The following SLC44A5 variants were observed in gnomAD, a reference collection of about 807,000 sequenced individuals.
SLC44A5 encodes the protein solute carrier family 44 member 5.
A neutral mutation model predicts 101.8 loss-of-function variants in SLC44A5; 57 were observed. The ratio of observed to expected loss-of-function variants is 0.56; its 90% CI spans 0.45 to 0.70. SLC44A5 has a LOEUF of 0.70. Among genes scored for constraint, SLC44A5 ranks in the 30% least tolerant of loss-of-function variants. SLC44A5 has a pLI of 0.00. For missense variants in SLC44A5, 737 were observed against 853.1 expected, an observed-to-expected ratio of 0.86 and a Z score of 1.70; for synonymous variants, 281 against 290.9, an observed-to-expected ratio of 0.97 and a Z score of 0.35.
chr1:75,577,949 T>C (rs1255739334), intron 1 of SLC44A5, among the ~76,000 whole-genome samples: 3 of 152,180 alleles, frequency 2.0e-5, no homozygotes, highest in Non-Finnish European at 4.4e-5. Context: ...TATACTGTGA[T>C]TATAAATTAC....
At chr1:75,270,596 T>C (rs1651387040) in intron 6 of SLC44A5, among the ~76,000 whole-genome samples, 1 of 152,084 alleles carries the variant, frequency 6.6e-6, no homozygotes. Context: ...AGAATGTTAT[T>C]TTCAGGGCGA....
intron 7 of SLC44A5, among the ~76,000 whole-genome samples, chr1:75,245,988 G>A (rs748302922): frequency 4.6e-5 from 7 of 152,080 alleles, no homozygotes; most frequent in Non-Finnish European, 7.4e-5. Flanking sequence ...ATCGTGCATA[G>A]AAATATGGCT....
At chr1:75,559,780 G>T (rs114933171) in intron 1 of SLC44A5, among the ~76,000 whole-genome samples, 1 of 152,062 alleles carries the variant, frequency 6.6e-6, no homozygotes, top group South Asian at 2.1e-4. Context: ...ATACTTGCAA[G>T]TCATATATCT....
intron 2 of SLC44A5, among the ~76,000 whole-genome samples, chr1:75,479,736 C>A (rs928974975): frequency 2.0e-4 from 31 of 152,262 alleles, no homozygotes; most frequent in South Asian, 1.5e-3. Context: ...CAATAACAGG[C>A]TCTGAAATTG....
chr1:75,239,309 CTT>C (rs1350958540), intron 9 of SLC44A5, among the ~76,000 whole-genome samples: 2 of 152,016 alleles, frequency 1.3e-5, no homozygotes, highest in Non-Finnish European at 2.9e-5. Context: ...TGATTGGAGT[CTT>C]TGCCTCTTTA....
chr1:75,567,492 T>A (rs1348995982), intron 1 of SLC44A5, among the ~76,000 whole-genome samples: 1 of 152,176 alleles, frequency 6.6e-6, no homozygotes, highest in African/African-American at 2.4e-5. Flanking sequence ...TAATTGCTAA[T>A]TCCAAAGCCA....
chr1:75,258,718 G>A (rs999844966), intron 6 of SLC44A5, among the ~76,000 whole-genome samples: 6 of 152,096 alleles, frequency 3.9e-5, no homozygotes, highest in African/African-American at 1.4e-4. Context: ...CTGACCCCTG[G>A]GTATCTTGAC....
chr1:75,679,811 G>C, the SLC44A5 span, among the ~76,000 whole-genome samples: 2 of 152,098 alleles, frequency 1.3e-5, no homozygotes, highest in African/African-American at 4.8e-5. Flanking sequence ...AAAAGACACA[G>C]ACTGGCAAAT....
intron 5 of SLC44A5, among the ~76,000 whole-genome samples, chr1:75,281,378 G>A (rs923299176): frequency 6.6e-6 from 1 of 152,062 alleles, no homozygotes; most frequent in South Asian, 2.1e-4. Flanking sequence ...TTTCTAAGCA[G>A]CAAAACGTTC....
chr1:75,645,097 G>A, the SLC44A5 span, among the ~76,000 whole-genome samples: 2 of 152,138 alleles, frequency 1.3e-5, no homozygotes, highest in African/African-American at 4.8e-5. Context: ...ATGTGTGCAT[G>A]TGTCTTTATA....
intron 1 of SLC44A5, among the ~76,000 whole-genome samples, chr1:75,585,669 T>A (rs1386832891): frequency 6.6e-6 from 1 of 152,236 alleles, no homozygotes; most frequent in Non-Finnish European, 1.5e-5. Flanking sequence ...TATTAGCACA[T>A]GTTTAATACA....
the SLC44A5 span, among the ~76,000 whole-genome samples, chr1:75,679,185 T>C: frequency 6.6e-6 from 1 of 152,234 alleles, no homozygotes; most frequent in East Asian, 1.9e-4. Flanking sequence ...TGGAAAACAC[T>C]CTGCAGGATA....
chr1:75,542,253 T>G (rs1293956523), intron 1 of SLC44A5, among the ~76,000 whole-genome samples: 1 of 152,148 alleles, frequency 6.6e-6, no homozygotes, highest in Non-Finnish European at 1.5e-5. Flanking sequence ...CTTCTACCAT[T>G]AATATGTTAA....
At chr1:75,680,864 G>T in the SLC44A5 span, among the ~76,000 whole-genome samples, 3 of 151,496 alleles carry the variant, frequency 2.0e-5, no homozygotes, top group Non-Finnish European at 2.9e-5. Flanking sequence ...TAGACGGCTA[G>T]CAAGACTAAT....
intron 1 of SLC44A5, among the ~76,000 whole-genome samples, chr1:75,555,676 A>G (rs953894042): frequency 2.6e-5 from 4 of 152,140 alleles, no homozygotes; most frequent in Middle Eastern, 3.4e-3. Context: ...CACAATACCA[A>G]TTTGAAGGGT....
At chr1:75,603,237 G>A (rs138271713) in intron 1 of SLC44A5, among the ~76,000 whole-genome samples, 125 of 152,182 alleles carry the variant, frequency 8.2e-4, no homozygotes, top group Non-Finnish European at 1.6e-3. Context: ...TGTGGTATCT[G>A]ATTTTCTGAT....
chr1:75,413,227 T>C lies in SLC44A5; in HGVS notation c.14-16606A>G, dbSNP rs572862080. Reference sequence around the variant, plus strand: ...AAAATAGAGTATATATAGGTTTTGGTACTTGCTATGATTTCAGGCATCCAC... The same window carrying C: ...AAAATAGAGTATATATAGGTTTTGGCACTTGCTATGATTTCAGGCATCCAC... On this transcript the variant is annotated intron_variant, in intron 2 of 23. Coordinates refer to ENST00000370859, the MANE Select transcript of SLC44A5 (RefSeq NM_001130058.2). 2.0e-5 allele frequency among the ~76,000 whole-genome samples: 3 copies of C among 152,254 alleles called. No individual in the cohort carries two copies. The East Asian group carries it at 5.8e-4, about 29-fold the overall frequency.
chr1:75,364,980 GC>G, intron 3 of SLC44A5, among the ~76,000 whole-genome samples: 2 of 151,950 alleles, frequency 1.3e-5, no homozygotes, highest in South Asian at 4.2e-4. Flanking sequence ...ATGAATTGTG[GC>G]TTTTGATTGG....
Position 75,203,586 on chromosome 1 carries a change from G to T in SLC44A5, c.*141C>A. 1 of 953,132 alleles carries T rather than the reference G, an allele frequency of 1.0e-6. No homozygotes were observed. Among genetic ancestry groups the T allele is most frequent in the Non-Finnish European group, 1.5e-6 (1 of 667,878 alleles). 59.0% of individuals were successfully genotyped at this position (953,132 alleles called of 1,614,324 possible). ...CTTCACATAGTACAGTATAAGCTTT[G>T]GTATAAAACATGCAAATGCAAGCCA... On this transcript the variant is annotated 3_prime_UTR_variant, in exon 24 of 24. Transcript: ENST00000370859.
Sources: gnomAD v4.1 joint callset for allele counts (sites outside exome capture counted in the v4.1 genomes callset) on GRCh38, gnomAD v4.1.1 for gene constraint, MANE v1.5 for transcripts, NCBI Gene and HGNC (gene_info 2026-07-23, HGNC 2026-07-21) for gene names.